The following NDST1 variants were observed in gnomAD, a reference collection of about 807,000 sequenced individuals.
NDST1 encodes N-deacetylase and N-sulfotransferase 1.
In NDST1, 35 loss-of-function variants were observed where a neutral mutation model predicts 92.8. That is an observed-to-expected ratio of 0.38 (90% confidence interval 0.29 to 0.50). The LOEUF (loss-of-function observed/expected upper bound fraction) is 0.50, where lower values mean the gene tolerates loss of function less well. Among genes scored for constraint, NDST1 ranks in the 20% least tolerant of loss-of-function variants. The pLI is 0.94. For synonymous variants in NDST1, 493 were observed against 500.3 expected (o/e 0.99, Z 0.19); for missense variants, 822 against 1,182.7 (o/e 0.69, Z 4.47).
At position 150,541,486 on chromosome 5, in the gene NDST1, G is replaced by T. The variant is rs565251828; in HGVS notation, c.1750-84G>T. 5.2e-5 allele frequency: 64 copies of T among 1,221,794 alleles called. No homozygotes were observed. In the Middle Eastern group the frequency reaches 5.6e-4, roughly 11 times the overall value. The allele number at this position is 1,221,794 out of a possible 1,614,324, so 75.7% of individuals were successfully genotyped here. A position where few individuals can be genotyped will look rare whatever the true frequency, so the allele number is the denominator to read the frequency against. On this transcript the variant is annotated intron_variant, in intron 8 of 14. Coordinates refer to ENST00000261797, the MANE Select transcript of NDST1 (RefSeq NM_001543.5). ...ATGTAGGTATCATGCCCATTGGGCT[G>T]TAAGGGCCACATATCCATGTGCAGT...
intron 1 of NDST1, among the ~76,000 whole-genome samples, chr5:150,518,434 C>T (rs999375745): frequency 1.3e-5 from 2 of 152,136 alleles, no homozygotes; most frequent in African/African-American, 2.4e-5. Context: ...CCTGCCCCAA[C>T]CCCCTTGTAA....
Position 150,549,939 on chromosome 5 carries a change from AG to A in NDST1, c.2426+154del, listed in dbSNP as rs1755648363. 4 of 681,088 alleles carry A rather than the reference AG, an allele frequency of 5.9e-6. No homozygotes were observed. The East Asian group carries it at 1.1e-4, about 19-fold the overall frequency. The allele number at this position is 681,088 out of a possible 1,614,324, so 42.2% of individuals were successfully genotyped here. A position where few individuals can be genotyped will look rare whatever the true frequency, so the allele number is the denominator to read the frequency against. On this transcript the variant is annotated intron_variant, in intron 13 of 14. Coordinates refer to ENST00000261797, the MANE Select transcript of NDST1 (RefSeq NM_001543.5). ...AATATGACTTAAGTCATATTAATAA[AG>A]GTATCACCTTAAAAAAAAGGGAGAT... is the stretch of plus-strand genomic sequence containing the variant.
rs373375818 is a variant in NDST1, at chr5:150,535,716, C to T, written c.1268C>T (p.Thr423Ile). The T allele has an allele frequency of 1.2e-6, 2 of 1,614,226 alleles. No individual in the cohort carries two copies. The highest frequency in any genetic ancestry group is 1.7e-6 in the Non-Finnish European group (2 of 1,180,046). The change falls in exon 6 of 15, where the codon ACA becomes ATA. Residue 423 changes from threonine (T) to isoleucine (I), a missense_variant. Transcript: ENST00000261797. ...TCTCCCTAGGAGCATGGCATTCCCA[C>T]AGACATGGGGTATGCAGTGGCGCCC... is the stretch of plus-strand genomic sequence containing the variant. ...KKFAVEHGIPTDMGYAVAPHH... is the reference protein window; with the variant it reads ...KKFAVEHGIPIDMGYAVAPHH...
At chr5:150,517,509 T>G (rs1754032234) in intron 1 of NDST1, among the ~76,000 whole-genome samples, 1 of 152,104 alleles carries the variant, frequency 6.6e-6, no homozygotes, top group South Asian at 2.1e-4. Flanking sequence ...GTCCATAGTT[T>G]ACTTTCGGGT....
chr5:150,528,653 G>C (rs1421472204), intron 3 of NDST1, among the ~76,000 whole-genome samples: 2 of 152,164 alleles, frequency 1.3e-5, no homozygotes, highest in Non-Finnish European at 2.9e-5. Context: ...AAATTAGCCA[G>C]GTGTGGTGGC....
chr5:150,522,962 G>A (rs1754308048), intron 2 of NDST1, among the ~76,000 whole-genome samples: 1 of 152,238 alleles, frequency 6.6e-6, no homozygotes, highest in Non-Finnish European at 1.5e-5. Flanking sequence ...AGCGGGAGAT[G>A]GGTCAGAAGT....
rs758223507 is a variant in NDST1, at chr5:150,535,465, G to C, written c.1252-235G>C. 6.9e-4 allele frequency: 623 copies of C among 905,722 alleles called. 1 individual carries two copies. Among genetic ancestry groups the C allele is most frequent in the Non-Finnish European group, 7.5e-4 (569 of 757,458 alleles). The allele number at this position is 905,722 out of a possible 1,614,324, so 56.1% of individuals were successfully genotyped here. On this transcript the variant is annotated intron_variant, in intron 5 of 14. Coordinates refer to ENST00000261797, the MANE Select transcript of NDST1 (RefSeq NM_001543.5). ...CTTTGTGCTAGAGGCATGTGCACCG[G>C]ACCAAGAGTCAGGAGACCTGGGTTC...
In NDST1 at chr5:150,520,930, C is replaced by A; in HGVS notation, c.-325C>A. 1 of 547,174 alleles carries A rather than the reference C, an allele frequency of 1.8e-6. No homozygotes were observed. Among genetic ancestry groups the A allele is most frequent in the Non-Finnish European group, 3.2e-6 (1 of 311,518 alleles). The allele number at this position is 547,174 out of a possible 1,614,324, so 33.9% of individuals were successfully genotyped here. A position where few individuals can be genotyped will look rare whatever the true frequency, so the allele number is the denominator to read the frequency against. ...AGCACCCCCGGGCCTGTCCAGTGTC[C>A]TCTGGCCTGCTGCCCTGCACCCCCA... is the stretch of plus-strand genomic sequence containing the variant. On this transcript the variant is annotated 5_prime_UTR_variant, in exon 2 of 15. Coordinates refer to ENST00000261797, the MANE Select transcript of NDST1 (RefSeq NM_001543.5).
chr5:150,528,245 G>A lies in NDST1; in HGVS notation c.955G>A (p.Asp319Asn). The change falls in exon 3 of 15, where the codon GAT (aspartate) becomes AAT (asparagine). Residue 319 changes from aspartate to asparagine, a missense_variant. Transcript: ENST00000261797. ...GGACCGCTACATCCTGGTGGACATT[G>A]ATGACATCTTCGTGGGCAAGGAGGG... The part of the protein sequence containing the change: ...PLDRYILVDI[D>N]DIFVGKEGTR... 1 of 1,610,668 alleles carries A rather than the reference G, an allele frequency of 6.2e-7. No individual in the cohort carries two copies. The highest frequency in any genetic ancestry group is 8.5e-7 in the Non-Finnish European group (1 of 1,177,058).
intron 1 of NDST1, among the ~76,000 whole-genome samples, chr5:150,515,669 G>A (rs549631445): frequency 1.3e-5 from 2 of 152,300 alleles, no homozygotes; most frequent in African/African-American, 4.8e-5. Flanking sequence ...GGTGAGGCTG[G>A]AATTTAGGGG....
chr5:150,510,119 C>T (rs547256930), intron 1 of NDST1, among the ~76,000 whole-genome samples: 60 of 152,306 alleles, frequency 3.9e-4, no homozygotes, highest in African/African-American at 1.3e-3. Flanking sequence ...TGACTTCGAG[C>T]GGTTGCTTAC....
chr5:150,521,430 C>T lies in NDST1; in HGVS notation c.176C>T (p.Pro59Leu), dbSNP rs559367014. The T allele has an allele frequency of 4.8e-5, 77 of 1,612,946 alleles. No individual in the cohort carries two copies. The highest frequency in any genetic ancestry group is 1.3e-4 in the East Asian group (6 of 44,860). ...ADAPEPDCGDPPPVAPSRLLP... is the reference protein window; with the variant it reads ...ADAPEPDCGDLPPVAPSRLLP... ...GCCCCCGAGCCTGACTGCGGGGACC[C>T]GCCGCCTGTGGCCCCCAGTCGCCTG... The change falls in exon 2 of 15, where the codon CCG (proline) becomes CTG (leucine). Residue 59 changes from proline to leucine, a missense_variant. By Grantham distance (98) the Pro-to-Leu change is moderately conservative. Coordinates refer to ENST00000261797, the MANE Select transcript of NDST1 (RefSeq NM_001543.5). The surrounding 1 kb of genome is among the most constrained non-coding windows in gnomAD (Gnocchi z 5.9).
intron 1 of NDST1, among the ~76,000 whole-genome samples, chr5:150,515,759 A>G (rs1753930417): frequency 6.6e-6 from 1 of 152,120 alleles, no homozygotes; most frequent in Non-Finnish European, 1.5e-5. Context: ...GCTGTCCTTG[A>G]GGCCTTGGTG....
chr5:150,535,579 C>T, intron 5 of NDST1, 121 bp from the exon 6 acceptor site: 1 of 1,313,508 alleles, frequency 7.6e-7, no homozygotes. Context: ...ACCATGAAGT[C>T]TCAGACCAGC....
At chr5:150,547,332 G>C (rs982015886) in intron 11 of NDST1, among the ~76,000 whole-genome samples, 2 of 152,188 alleles carry the variant, frequency 1.3e-5, no homozygotes, top group African/African-American at 2.4e-5. Flanking sequence ...AGGTCGGGAC[G>C]AGGAGGACGC....
At chr5:150,522,052 A>T (rs1427552391) in intron 2 of NDST1, among the ~76,000 whole-genome samples, 4 of 152,228 alleles carry the variant, frequency 2.6e-5, no homozygotes, top group African/African-American at 9.7e-5. Context: ...GTGTGAAGTC[A>T]GAGGAGCATG....
At chr5:150,528,391 C>G in intron 3 of NDST1, 93 bp downstream of exon 3, 1 of 1,381,966 alleles carries the variant, frequency 7.2e-7, no homozygotes. Context: ...CTGTCTGCAT[C>G]TCCCCTATGC....
At chr5:150,514,607 T>C (rs1015735871) in intron 1 of NDST1, among the ~76,000 whole-genome samples, 1 of 149,056 alleles carries the variant, frequency 6.7e-6, no homozygotes, top group East Asian at 2.0e-4. Flanking sequence ...GCCAGGCTCA[T>C]AGTATGGCAG....
At chr5:150,502,459 G>A (rs1325604304) in intron 1 of NDST1, among the ~76,000 whole-genome samples, 3 of 152,096 alleles carry the variant, frequency 2.0e-5, no homozygotes, top group African/African-American at 7.2e-5. Context: ...GGACAAGCAG[G>A]TTTGGGAAGA....
Sources: allele counts gnomAD v4.1 joint callset (sites outside exome capture counted in the v4.1 genomes callset), GRCh38; gene constraint gnomAD v4.1.1; non-coding constraint Gnocchi (gnomAD v3.1); transcripts MANE v1.5; gene names NCBI Gene and HGNC (gene_info 2026-07-23, HGNC 2026-07-21).